The following DUSP11 variants were observed in gnomAD, a reference collection of about 807,000 sequenced individuals.
DUSP11 encodes dual specificity phosphatase 11.
A neutral mutation model predicts 41.4 loss-of-function variants in DUSP11; 27 were observed. The observed-to-expected ratio is 0.65, with a 90% CI of 0.48 to 0.90. The LOEUF (loss-of-function observed/expected upper bound fraction) is 0.90. Among genes scored for constraint, DUSP11 ranks in the 40% least tolerant of loss-of-function variants. The pLI is 0.00. For missense variants in DUSP11, 465 were observed against 461.1 expected (o/e 1.01, Z -0.08); for synonymous variants, 188 against 159.3 (o/e 1.18, Z -1.35).
chr2:73,775,240 A>G (rs1474746798), intron 2 of DUSP11, among the ~76,000 whole-genome samples, 196 bp from the exon 3 acceptor site: 2 of 152,094 alleles, frequency 1.3e-5, no homozygotes, highest in African/African-American at 2.4e-5. Flanking sequence ...CCACTTCTAT[A>G]TATGTATTTC....
chr2:73,773,175 C>T (rs1558534405), intron 4 of DUSP11: 2 of 152,334 alleles, frequency 1.3e-5, no homozygotes, highest in Non-Finnish European at 2.9e-5. Context: ...CAAGAAAGCA[C>T]CAGCCTTTGG....
chr2:73,775,899 C>A (rs1341552999), intron 2 of DUSP11, among the ~76,000 whole-genome samples: 1 of 141,532 alleles, frequency 7.1e-6, no homozygotes, highest in Non-Finnish European at 1.5e-5. Flanking sequence ...GAGATAGGGT[C>A]TTGCCGTCTT....
At chr2:73,778,354 C>T in exon 2 of DUSP11, 1 of 1,546,940 alleles carries the variant, frequency 6.5e-7, no homozygotes. Flanking sequence ...ATCCGCTGTC[C>T]AACTGGGAGA....
At chr2:73,772,247 C>T (rs116782525) in intron 4 of DUSP11, among the ~76,000 whole-genome samples, 1,762 of 152,346 alleles carry the variant, frequency 0.012, 33 homozygotes, top group African/African-American at 0.039. Flanking sequence ...CTAAAAGGAT[C>T]TCAGTGTTTA....
chr2:73,776,771 T>A (rs1672696307), intron 2 of DUSP11, among the ~76,000 whole-genome samples: 1 of 152,256 alleles, frequency 6.6e-6, no homozygotes, highest in South Asian at 2.1e-4. Flanking sequence ...AAATTATTTA[T>A]TAGATGTAAC....
rs748533873 is a variant in DUSP11 at position 73,779,939 on chromosome 2, GC to G, written c.176del (p.Gly59AlafsTer78). On this transcript the variant is annotated frameshift_variant, in exon 1 of 9. Transcript: ENST00000272444. LOFTEE classifies it high-confidence loss of function. ...AGCGTCCTGAAAAGTCGCGTCTCCG[GC>G]CCCAGCCACTGCGGGGATGATGCCA... The G allele has an allele frequency of 6.2e-7, 1 of 1,613,792 alleles. No homozygotes were observed. Among genetic ancestry groups the G allele is most frequent in the South Asian group, 1.1e-5 (1 of 91,086 alleles).
exon 3 of DUSP11, chr2:73,774,935 G>A (rs750296755): frequency 6.2e-7 from 1 of 1,606,538 alleles, no homozygotes; most frequent in South Asian, 1.1e-5. Context: ...ATAGCGTTGA[G>A]TATATGTTAA....
chr2:73,773,691 T>C, intron 4 of DUSP11, 109 bp downstream of exon 4: 4 of 1,125,910 alleles, frequency 3.6e-6, no homozygotes, highest in Non-Finnish European at 5.1e-6. Flanking sequence ...TTCATCACCT[T>C]AGCATCATTA....
intron 4 of DUSP11, chr2:73,773,409 C>T (rs569029416): frequency 4.3e-5 from 13 of 303,480 alleles, no homozygotes; most frequent in Admixed American, 3.3e-4. Context: ...TCTAGGGGTC[C>T]GTCCCATTCT....
At chr2:73,774,272 G>T (rs1236087205) in intron 3 of DUSP11, among the ~76,000 whole-genome samples, 1 of 152,198 alleles carries the variant, frequency 6.6e-6, no homozygotes, top group African/African-American at 2.4e-5. Context: ...GATTTAAGTA[G>T]AAGAGTAGAG....
At chr2:73,779,844 A>AG (rs1162511875) in intron 1 of DUSP11, 30 bp downstream of exon 1, 1 of 1,610,062 alleles carries the variant, frequency 6.2e-7, no homozygotes, top group Non-Finnish European at 8.5e-7. Flanking sequence ...CGAGCTGGAA[A>AG]GGCCACGCCA....
At position 73,767,029 on chromosome 2, in the gene DUSP11, T is replaced by A. The variant is rs549718175; in HGVS notation, c.683-126A>T. On this transcript the variant is annotated intron_variant, in intron 6 of 8. Transcript: ENST00000272444. ...ACTACTTCCACATACATCTATAGAC[T>A]TTTGGCAAGACTATCTTATATTGGA... 18 of 1,240,274 alleles carry A rather than the reference T, an allele frequency of 1.5e-5. No homozygotes were observed. The African/African-American group carries it at 2.5e-4, about 18-fold the overall frequency. 76.8% of individuals were successfully genotyped at this position (1,240,274 alleles called of 1,614,324 possible). A position where few individuals can be genotyped will look rare whatever the true frequency, so the allele number is the denominator to read the frequency against.
At chr2:73,764,595 A>C (rs1043823342) in intron 8 of DUSP11, among the ~76,000 whole-genome samples, 3 of 152,258 alleles carry the variant, frequency 2.0e-5, no homozygotes, top group Non-Finnish European at 4.4e-5. Flanking sequence ...CAAGATCACA[A>C]AGCAGGTGAG....
chr2:73,778,398 AG>A (rs1397485594), intron 1 of DUSP11, 22 bp from the exon 2 acceptor site: 2 of 1,444,950 alleles, frequency 1.4e-6, no homozygotes, highest in Admixed American at 5.2e-5. Context: ...ATTTTTTGTT[AG>A]CCAAATTGTA....
chr2:73,767,367 C>A, intron 5 of DUSP11, 160 bp from the exon 6 acceptor site: 1 of 570,836 alleles, frequency 1.8e-6, no homozygotes, highest in South Asian at 2.7e-5. Context: ...CATACCATGA[C>A]CACAAAAAGA....
exon 1 of DUSP11, chr2:73,780,013 C>A (rs776113366): frequency 6.2e-7 from 1 of 1,614,050 alleles, no homozygotes; most frequent in East Asian, 2.2e-5. Flanking sequence ...GCCAAGTCGG[C>A]CAAAAGCGCC....
chr2:73,775,820 C>T lies in DUSP11; in HGVS notation c.319-776G>A, dbSNP rs1336712018. Among the ~76,000 whole-genome samples, 6 of 141,412 alleles carry T rather than the reference C, an allele frequency of 4.2e-5. No individual in the cohort carries two copies. In the East Asian group the frequency reaches 1.3e-3, roughly 30 times the overall value. The allele number at this position is 141,412 out of a possible 152,430, so 92.8% of individuals were successfully genotyped here. ...AGTGAGCCGAGATCACACCACTGCA[C>T]TCCAGCCTGGGTGACAGAGTGACTC... On this transcript the variant is annotated intron_variant, in intron 2 of 8. Transcript: ENST00000272444.
intron 4 of DUSP11, among the ~76,000 whole-genome samples, chr2:73,769,826 T>C (rs1057368832): frequency 6.6e-6 from 1 of 152,190 alleles, no homozygotes; most frequent in Admixed American, 6.5e-5. Context: ...CTCAGGTAAA[T>C]AGCACTATTC....
chr2:73,770,310 T>G (rs985255752), intron 4 of DUSP11, among the ~76,000 whole-genome samples: 1 of 150,826 alleles, frequency 6.6e-6, no homozygotes, highest in African/African-American at 2.4e-5. Flanking sequence ...AGGTCAGGAG[T>G]TCGAGACCAG....
Sources: allele counts gnomAD v4.1 joint callset (sites outside exome capture counted in the v4.1 genomes callset), GRCh38; gene constraint gnomAD v4.1.1; transcripts MANE v1.5; gene names NCBI Gene and HGNC (gene_info 2026-07-23, HGNC 2026-07-21).